Variants in CFAP97D2 observed in about 807,000 individuals in gnomAD.
The protein encoded by CFAP97D2 is CFAP97 domain containing 2.
At position 114,203,104 on chromosome 13, in the gene CFAP97D2, C is replaced by T. The variant is rs148650445; in HGVS notation, c.290+2661C>T. Reference sequence around the variant, plus strand: ...CACTGGACATGAAAATAAAAGACATCGAAATTGGGAAGGAAGAAGCAAACT... The same window carrying T: ...CACTGGACATGAAAATAAAAGACATTGAAATTGGGAAGGAAGAAGCAAACT... On this transcript the variant is annotated intron_variant, in intron 3 of 4. Transcript: ENST00000646158. The surrounding 1 kb of genome is among the most constrained non-coding windows in gnomAD (Gnocchi z 4.3). Among the ~76,000 whole-genome samples the T allele has an allele frequency of 2.0e-3, 300 of 152,228 alleles. 1 individual carries two copies. The highest frequency in any genetic ancestry group is 6.7e-3 in the African/African-American group (277 of 41,534).
At chr13:114,188,187 G>A (rs1464295889) in intron 1 of CFAP97D2, among the ~76,000 whole-genome samples, 3 of 151,486 alleles carry the variant, frequency 2.0e-5, no homozygotes, top group African/African-American at 7.3e-5. Context: ...GGGAGGCTGA[G>A]GCAGTAGATC....
In CFAP97D2 at chr13:114,185,403, G is replaced by A. The variant is rs999219425; in HGVS notation, c.90+5983G>A. On this transcript the variant is annotated intron_variant, in intron 1 of 4. Transcript: ENST00000646158. The surrounding 1 kb of genome is among the most constrained non-coding windows in gnomAD (Gnocchi z 5.2). ...GGGACCTGGAACCCCCACCCCGGCTGTGAGGAGGCATGGCCAGGGCTGCAC... is the reference window on the plus strand; with the variant it reads ...GGGACCTGGAACCCCCACCCCGGCTATGAGGAGGCATGGCCAGGGCTGCAC... 6.6e-5 allele frequency among the ~76,000 whole-genome samples: 10 copies of A among 152,222 alleles called. No individual in the cohort carries two copies. The highest frequency in any genetic ancestry group is 1.0e-4 in the Non-Finnish European group (7 of 68,036).
intron 1 of CFAP97D2, among the ~76,000 whole-genome samples, chr13:114,188,446 G>A (rs1209131369): frequency 1.3e-5 from 2 of 151,888 alleles, no homozygotes; most frequent in African/African-American, 4.8e-5. Flanking sequence ...AAAGAAGAAA[G>A]ATCTAAAATC....
chr13:114,195,226 G>C (rs2080881848), intron 1 of CFAP97D2, among the ~76,000 whole-genome samples: 1 of 152,238 alleles, frequency 6.6e-6, no homozygotes, highest in Admixed American at 6.5e-5. Context: ...TAGTGACAGA[G>C]GAGCCTGTAA....
chr13:114,217,911 C>T (rs1163035626), intron 4 of CFAP97D2, among the ~76,000 whole-genome samples: 1 of 152,184 alleles, frequency 6.6e-6, no homozygotes, highest in Non-Finnish European at 1.5e-5. Flanking sequence ...AAACTCACAG[C>T]CAATATCACA....
rs1417622434 is a variant in CFAP97D2, at chr13:114,210,853, G to GACACACACAC, written c.291-1058_291-1057insCACACACACA. Among the ~76,000 whole-genome samples the GACACACACAC allele has an allele frequency of 1.9e-3, 188 of 99,086 alleles. 1 individual carries two copies. The highest frequency in any genetic ancestry group is 8.3e-3 in the African/African-American group (168 of 20,198). 65.0% of individuals were successfully genotyped at this position (99,086 alleles called of 152,430 possible). A position where few individuals can be genotyped will look rare whatever the true frequency, so the allele number is the denominator to read the frequency against. On this transcript the variant is annotated intron_variant, in intron 3 of 4. Transcript: ENST00000646158. The stretch of plus-strand genomic sequence containing the variant: ...TTAAATGAGAGAAGCACATTTCATT[G>GACACACACAC]ATACACACACACACACACACACACA...
chr13:114,182,157 A>G (rs1359129898), intron 1 of CFAP97D2, among the ~76,000 whole-genome samples: 41 of 141,714 alleles, frequency 2.9e-4, no homozygotes, highest in African/African-American at 9.8e-4. Flanking sequence ...TAATAAGGAG[A>G]AGGTCAGCAA....
chr13:114,200,881 T>G (rs1284596495), intron 3 of CFAP97D2, among the ~76,000 whole-genome samples: 1 of 152,160 alleles, frequency 6.6e-6, no homozygotes, highest in Non-Finnish European at 1.5e-5. Context: ...GCTCATGCAG[T>G]TCTCAAAGGT....
At chr13:114,194,981 G>A (rs1439355147) in intron 1 of CFAP97D2, among the ~76,000 whole-genome samples, 1 of 152,172 alleles carries the variant, frequency 6.6e-6, no homozygotes, top group Admixed American at 6.5e-5. Flanking sequence ...CACCTTCTCT[G>A]TCTTAGTGTC....
intron 1 of CFAP97D2, among the ~76,000 whole-genome samples, chr13:114,181,397 G>A (rs1460385186): frequency 6.6e-6 from 1 of 152,152 alleles, no homozygotes. Flanking sequence ...TGGCAAAGGA[G>A]GTTAAGGCAG....
chr13:114,200,483 C>A, intron 3 of CFAP97D2, 40 bp downstream of exon 3: 1 of 398,354 alleles, frequency 2.5e-6, no homozygotes, highest in South Asian at 1.3e-4. Context: ...GGCTCAGCAC[C>A]AAACCCGAGT....
intron 3 of CFAP97D2, among the ~76,000 whole-genome samples, chr13:114,200,995 C>A (rs1158789874): frequency 6.6e-6 from 1 of 152,192 alleles, no homozygotes; most frequent in Admixed American, 6.5e-5. Flanking sequence ...CCCCTGCATC[C>A]TGTGTGGGTC....
intron 4 of CFAP97D2, among the ~76,000 whole-genome samples, chr13:114,219,570 G>A (rs1165869732): frequency 6.6e-6 from 1 of 152,188 alleles, no homozygotes; most frequent in African/African-American, 2.4e-5. Context: ...AGAAGCACTA[G>A]AAAGAGTTTC....
At chr13:114,213,140 C>A (rs1378160913) in intron 4 of CFAP97D2, among the ~76,000 whole-genome samples, 1 of 152,166 alleles carries the variant, frequency 6.6e-6, no homozygotes, top group East Asian at 1.9e-4. Flanking sequence ...ACTCGCTTTA[C>A]CTGTATATAT....
intron 1 of CFAP97D2, among the ~76,000 whole-genome samples, chr13:114,184,922 A>T (rs995475615): frequency 5.3e-5 from 8 of 152,250 alleles, no homozygotes; most frequent in African/African-American, 1.9e-4. Flanking sequence ...TTATGTGCAT[A>T]TCTCTATCTG....
intron 4 of CFAP97D2, chr13:114,215,812 T>G (rs886597380): frequency 5.3e-5 from 8 of 152,226 alleles, no homozygotes; most frequent in African/African-American, 1.9e-4. Flanking sequence ...ATGCTGTCCC[T>G]CTTTGACTAC....
intron 4 of CFAP97D2, among the ~76,000 whole-genome samples, chr13:114,221,278 C>T (rs1349991864): frequency 1.3e-5 from 2 of 152,210 alleles, no homozygotes; most frequent in Non-Finnish European, 2.9e-5. Flanking sequence ...AAGTGACTCA[C>T]ACTTACTTGG....
At chr13:114,192,642 A>T (rs2080873811) in intron 1 of CFAP97D2, among the ~76,000 whole-genome samples, 1 of 152,222 alleles carries the variant, frequency 6.6e-6, no homozygotes, top group South Asian at 2.1e-4. Context: ...TGATCCCAAA[A>T]CATGACAAAT....
intron 4 of CFAP97D2, chr13:114,214,327 C>T (rs577881452): frequency 6.6e-6 from 1 of 152,338 alleles, no homozygotes; most frequent in East Asian, 1.9e-4. Context: ...GCTACTAACT[C>T]TGAAGGCATT....
Sources: allele counts gnomAD v4.1 joint callset (sites outside exome capture counted in the v4.1 genomes callset), GRCh38; gene constraint gnomAD v4.1.1; non-coding constraint Gnocchi (gnomAD v3.1); transcripts MANE v1.5; gene names NCBI Gene and HGNC (gene_info 2026-07-23, HGNC 2026-07-21).